CDK6: variants seen among roughly 807,000 people sequenced by gnomAD.
The protein encoded by CDK6 is cyclin-dependent kinase 6.
In CDK6, 6 loss-of-function variants were observed where a neutral mutation model predicts 37.1. The ratio of observed to expected loss-of-function variants is 0.16; its 90% CI spans 0.09 to 0.32. CDK6 has a LOEUF of 0.32. Among genes scored for constraint, CDK6 ranks in the 10% least tolerant of loss-of-function variants. The probability of loss-of-function intolerance (pLI) is 1.00; values close to 1 mark genes in which losing one functional copy is unlikely to be tolerated. For synonymous variants in CDK6, 160 were observed against 161.3 expected, an observed-to-expected ratio of 0.99 and a Z score of 0.06; for missense variants, 224 against 418.9, an observed-to-expected ratio of 0.53 and a Z score of 4.06.
chr7:92,765,240 A>G (rs1799551956), intron 3 of CDK6, among the ~76,000 whole-genome samples: 1 of 152,168 alleles, frequency 6.6e-6, no homozygotes, highest in Non-Finnish European at 1.5e-5. Flanking sequence ...CCGTCTCTTC[A>G]CTGAGCTTAG....
chr7:92,793,592 A>C (rs936071624), intron 2 of CDK6, among the ~76,000 whole-genome samples: 1 of 152,142 alleles, frequency 6.6e-6, no homozygotes, highest in African/African-American at 2.4e-5. Context: ...ATATACACAG[A>C]AATTAACTTA....
chr7:92,672,182 CAGACACAT>C (rs1562931153), intron 4 of CDK6, among the ~76,000 whole-genome samples: 18 of 94,730 alleles, frequency 1.9e-4, no homozygotes, highest in South Asian at 4.3e-4. Flanking sequence ...CACACACACA[CAGACACAT>C]ACACACACAC....
In CDK6 at chr7:92,812,686, A is replaced by G. The variant is rs551885259; in HGVS notation, c.233+20405T>C. Among the ~76,000 whole-genome samples the G allele has an allele frequency of 1.3e-3, 195 of 152,250 alleles. 2 individuals are homozygous for G. The highest frequency in any genetic ancestry group is 4.4e-3 in the African/African-American group (182 of 41,540). ...AGCAATCCTCCCACCTCAGCCTCCC[A>G]AGGTGCTGGGATTACACACATGAGC... On this transcript the variant is annotated intron_variant, in intron 2 of 7. Coordinates refer to ENST00000424848, the MANE Select transcript of CDK6 (RefSeq NM_001145306.2).
chr7:92,817,313 A>C (rs1345180324), intron 2 of CDK6, among the ~76,000 whole-genome samples: 1 of 151,986 alleles, frequency 6.6e-6, no homozygotes, highest in East Asian at 1.9e-4. Flanking sequence ...CATCATGACC[A>C]AGTAGGGTTT....
At chr7:92,767,288 A>T (rs1799606445) in intron 3 of CDK6, among the ~76,000 whole-genome samples, 1 of 152,240 alleles carries the variant, frequency 6.6e-6, no homozygotes, top group Non-Finnish European at 1.5e-5. Context: ...TTCAGAATCT[A>T]GACTGCATAA....
chr7:92,703,519 TTAAG>T (rs1257586454), intron 4 of CDK6, among the ~76,000 whole-genome samples: 3 of 152,168 alleles, frequency 2.0e-5, no homozygotes, highest in Admixed American at 6.5e-5. Flanking sequence ...TGACCTATGG[TTAAG>T]TAAAGCACAA....
intron 5 of CDK6, among the ~76,000 whole-genome samples, chr7:92,644,585 C>T (rs1335943910): frequency 6.6e-6 from 1 of 152,082 alleles, no homozygotes; most frequent in Non-Finnish European, 1.5e-5. Context: ...GAAATCTGCT[C>T]CTGATGCATG....
At position 92,623,054 on chromosome 7, in the gene CDK6, T is replaced by C. The variant is rs765655799; in HGVS notation, c.680A>G (p.Gln227Arg). ...PLFRGSSDVD[Q>R]LGKILDVIGL... ...TACTTACTCCAAGATTTTTCCTAGT[T>C]GATCAACATCTGAACTTCCACGAAA... Residue 227 changes from glutamine (Q) to arginine (R), a missense_variant, in exon 6 of 8, where the codon CAA (glutamine) becomes CGA (arginine). Gln to Arg is a conservative substitution (Grantham distance 43). Transcript: ENST00000424848. The C allele has an allele frequency of 6.3e-7, 1 of 1,586,886 alleles. No individual in the cohort carries two copies. The highest frequency in any genetic ancestry group is 2.3e-5 in the East Asian group (1 of 44,398).
intron 2 of CDK6, among the ~76,000 whole-genome samples, chr7:92,804,913 G>A (rs1800684796): frequency 6.6e-6 from 1 of 152,112 alleles, no homozygotes; most frequent in Non-Finnish European, 1.5e-5. Context: ...ATTCACCCCT[G>A]GTTCAAGACC....
chr7:92,738,478 A>G (rs932916961), intron 3 of CDK6, among the ~76,000 whole-genome samples: 2 of 152,062 alleles, frequency 1.3e-5, no homozygotes, highest in Non-Finnish European at 2.9e-5. Context: ...TGTCTCTACT[A>G]AAAACACAAA....
intron 5 of CDK6, among the ~76,000 whole-genome samples, chr7:92,631,811 T>A (rs1302343325): frequency 1.3e-5 from 2 of 152,122 alleles, no homozygotes; most frequent in Non-Finnish European, 2.9e-5. Flanking sequence ...GCTGTGTAGG[T>A]GGAGCAAGAG....
intron 5 of CDK6, among the ~76,000 whole-genome samples, chr7:92,647,836 T>C (rs185884552): frequency 6.6e-6 from 1 of 152,314 alleles, no homozygotes; most frequent in East Asian, 1.9e-4. Context: ...CTGTTCCCTG[T>C]TGGGAGACAA....
intron 2 of CDK6, among the ~76,000 whole-genome samples, chr7:92,832,391 G>A (rs1258190115): frequency 6.6e-6 from 1 of 152,112 alleles, no homozygotes; most frequent in Non-Finnish European, 1.5e-5. Flanking sequence ...TTAACCCTTT[G>A]GAGAATTAGT....
At chr7:92,810,706 AAGAAGATAAAC>A (rs1276062662) in intron 2 of CDK6, among the ~76,000 whole-genome samples, 7 of 152,234 alleles carry the variant, frequency 4.6e-5, no homozygotes, top group Admixed American at 4.6e-4. Flanking sequence ...GAAGTGACAT[AAGAAGATAAAC>A]AGTAATAGTA....
intron 5 of CDK6, among the ~76,000 whole-genome samples, chr7:92,631,080 C>A (rs1165018038): frequency 6.6e-6 from 1 of 152,166 alleles, no homozygotes; most frequent in African/African-American, 2.4e-5. Flanking sequence ...TTGCTTTATA[C>A]TGTGCCTTCC....
At chr7:92,663,188 T>A (rs922926885) in intron 5 of CDK6, among the ~76,000 whole-genome samples, 5 of 151,860 alleles carry the variant, frequency 3.3e-5, no homozygotes, top group Non-Finnish European at 1.5e-5. Context: ...ATATGATATG[T>A]GATAGAATGG....
At chr7:92,649,003 T>G (rs1247526956) in intron 5 of CDK6, among the ~76,000 whole-genome samples, 2 of 152,046 alleles carry the variant, frequency 1.3e-5, no homozygotes, top group Non-Finnish European at 2.9e-5. Flanking sequence ...CCAAGCTGGA[T>G]GTGAAGAACA....
chr7:92,765,800 C>T (rs1799565638), intron 3 of CDK6, among the ~76,000 whole-genome samples: 1 of 151,894 alleles, frequency 6.6e-6, no homozygotes, highest in African/African-American at 2.4e-5. Context: ...CAGCTAAGTG[C>T]TATGAAGAAG....
chr7:92,800,011 T>A (rs540467806), intron 2 of CDK6, among the ~76,000 whole-genome samples: 1 of 152,206 alleles, frequency 6.6e-6, no homozygotes, highest in East Asian at 1.9e-4. Flanking sequence ...CACTCAAGCA[T>A]AAAACCATAA....
Sources: allele counts gnomAD v4.1 joint callset (sites outside exome capture counted in the v4.1 genomes callset), GRCh38; gene constraint gnomAD v4.1.1; transcripts MANE v1.5; gene names NCBI Gene and HGNC (gene_info 2026-07-23, HGNC 2026-07-21).